NPAT: variants seen among roughly 807,000 people sequenced by gnomAD.
NPAT encodes nuclear protein, coactivator of histone transcription.
A neutral mutation model predicts 130.7 loss-of-function variants in NPAT; 52 were observed. That is an observed-to-expected ratio of 0.40 (90% CI 0.32 to 0.50). The LOEUF (loss-of-function observed/expected upper bound fraction) is 0.50. Among genes scored for constraint, NPAT ranks in the 20% least tolerant of loss-of-function variants. The probability of loss-of-function intolerance (pLI) is 0.68; values close to 1 mark genes in which losing one functional copy is unlikely to be tolerated. For missense variants in NPAT, 1,687 were observed against 1,662.6 expected, an observed-to-expected ratio of 1.01 and a Z score of -0.26; for synonymous variants, 580 against 584.8, an observed-to-expected ratio of 0.99 and a Z score of 0.12.
At chr11:108,211,944 T>C (rs1249634509) in intron 1 of NPAT, among the ~76,000 whole-genome samples, 1 of 152,028 alleles carries the variant, frequency 6.6e-6, no homozygotes, top group Admixed American at 6.6e-5. Context: ...AGTAAGAACC[T>C]GTTTCAAAAG....
chr11:108,218,478 T>C lies in NPAT; in HGVS notation c.37+4022A>G, dbSNP rs555649330. Among the ~76,000 whole-genome samples the C allele has an allele frequency of 6.0e-4, 92 of 152,342 alleles. 1 individual carries two copies. The highest frequency in any genetic ancestry group is 4.5e-3 in the Admixed American group (69 of 15,300). On this transcript the variant is annotated intron_variant, in intron 1 of 17. Coordinates refer to ENST00000278612, the MANE Select transcript of NPAT (RefSeq NM_002519.3). ...TTAGTAATTTAATGTTCGTTAAGCATGCAAATAATTCTTAGGAAGCCGTAC... is the reference window on the plus strand; with the variant it reads ...TTAGTAATTTAATGTTCGTTAAGCACGCAAATAATTCTTAGGAAGCCGTAC...
chr11:108,218,404 C>T (rs962027022), intron 1 of NPAT, among the ~76,000 whole-genome samples: 3 of 152,248 alleles, frequency 2.0e-5, no homozygotes, highest in East Asian at 1.9e-4. Context: ...TAGTAAAGCA[C>T]GCTATGTGAA....
At chr11:108,159,346 T>G (rs192774894) in intron 17 of NPAT, among the ~76,000 whole-genome samples, 1 of 152,208 alleles carries the variant, frequency 6.6e-6, no homozygotes, top group Admixed American at 6.5e-5. Flanking sequence ...TACTAACAGA[T>G]GTTTAGGGTT....
rs781529538 is a variant in NPAT, at chr11:108,160,929, C to G, written c.4157G>C (p.Ser1386Thr). 2 of 1,614,058 alleles carry G rather than the reference C, an allele frequency of 1.2e-6. No homozygotes were observed. Among genetic ancestry groups the G allele is most frequent in the South Asian group, 2.2e-5 (2 of 91,082 alleles). The change falls in exon 17 of 18, where the codon AGT becomes ACT. Residue 1386 changes from serine to threonine, a missense_variant. Physicochemically the swap from Ser to Thr is moderately conservative, Grantham distance 58. Coordinates refer to ENST00000278612, the MANE Select transcript of NPAT (RefSeq NM_002519.3). ...DERERNSRPS[S>T]KNLTNSSIPM... ...TATTGATGAATTTGTAAGATTTTTACTAGAAGGACGAGAGTTTCGCTCACG... is the reference window on the plus strand; with the variant it reads ...TATTGATGAATTTGTAAGATTTTTAGTAGAAGGACGAGAGTTTCGCTCACG...
rs754498169 is a variant in NPAT, at chr11:108,173,117, T to C, written c.1867A>G (p.Ile623Val). ...GAAGACAGCGAATCTCCAAGATGAA[T>C]TTCTACTTGTCCAGATACATTTAAA... Reference protein sequence around the residue: ...SHLNVSGQVEIHLGDSLSSTK... With the variant: ...SHLNVSGQVEVHLGDSLSSTK... Residue 623 changes from isoleucine to valine, a missense_variant, in exon 13 of 18, where the codon ATT (isoleucine) becomes GTT (valine). This residue lies in a region of NPAT where 1,379 missense variants were observed against 1,346.6 expected (regional missense o/e 1.02). Transcript: ENST00000278612. 6.8e-6 allele frequency: 11 copies of C among 1,614,036 alleles called. No homozygotes were observed. In the Admixed American group the frequency reaches 1.8e-4, roughly 27 times the overall value.
intron 1 of NPAT, among the ~76,000 whole-genome samples, chr11:108,208,922 T>C (rs1345644805): frequency 2.6e-5 from 4 of 152,238 alleles, no homozygotes; most frequent in Non-Finnish European, 5.9e-5. Flanking sequence ...TAAGTGTCAA[T>C]AAATTTATGA....
At position 108,197,433 on chromosome 11, in the gene NPAT, TAA is replaced by T. The variant is rs758766620; in HGVS notation, c.38-15_38-14del. The T allele has an allele frequency of 2.0e-6, 3 of 1,525,250 alleles. No individual in the cohort carries two copies. Among genetic ancestry groups the T allele is most frequent in the South Asian group, 1.1e-5 (1 of 89,048 alleles). 94.5% of individuals were successfully genotyped at this position (1,525,250 alleles called of 1,614,324 possible). A position where few individuals can be genotyped will look rare whatever the true frequency, so the allele number is the denominator to read the frequency against. On this transcript the variant is annotated splice_polypyrimidine_tract_variant and intron_variant, in intron 1 of 17. Coordinates refer to ENST00000278612, the MANE Select transcript of NPAT (RefSeq NM_002519.3). ...TGCTGTAAGTAACCTAAATAAAAAA[TAA>T]AAGTTTAGGTACTTATACTAAATTC...
Position 108,172,796 on chromosome 11 carries a change from C to A in NPAT, c.2188G>T (p.Ala730Ser). Residue 730 changes from alanine (A) to serine (S), a missense_variant, in exon 13 of 18, where the codon GCA (alanine) becomes TCA (serine). Physicochemically the swap from Ala to Ser is moderately conservative, Grantham distance 99. This residue lies in a region of NPAT where 1,379 missense variants were observed against 1,346.6 expected (regional missense o/e 1.02). Transcript: ENST00000278612. ...TDDKPSSNNS[A>S]EIDASNIVSL... ...ACGATATTTGATGCATCTATCTCTG[C>A]TGAGTTGTTGCTAGAAGGTTTATCA... 6.2e-7 allele frequency: 1 copy of A among 1,613,702 alleles called. No individual in the cohort carries two copies. The highest frequency in any genetic ancestry group is 8.5e-7 in the Non-Finnish European group (1 of 1,179,938).
chr11:108,217,787 G>A (rs1048799407), intron 1 of NPAT, among the ~76,000 whole-genome samples: 1 of 152,116 alleles, frequency 6.6e-6, no homozygotes, highest in Non-Finnish European at 1.5e-5. Flanking sequence ...GAGGTCAGGA[G>A]TTCCAGAACA....
In NPAT at chr11:108,158,735, G is replaced by C; in HGVS notation, c.*207C>G. ...TGGCTTTACTTACATTTCTGCAAAC[G>C]TTTTTCCCAAAATAAAAATATACCA... On this transcript the variant is annotated 3_prime_UTR_variant, in exon 18 of 18. Transcript: ENST00000278612. The C allele has an allele frequency of 2.0e-6, 1 of 496,160 alleles. No homozygotes were observed. Among genetic ancestry groups the C allele is most frequent in the Non-Finnish European group, 3.6e-6 (1 of 274,946 alleles). 30.7% of individuals were successfully genotyped at this position (496,160 alleles called of 1,614,324 possible).
chr11:108,196,521 AG>A (rs1376432622), intron 2 of NPAT, among the ~76,000 whole-genome samples: 8 of 152,206 alleles, frequency 5.3e-5, no homozygotes, highest in African/African-American at 1.9e-4. Flanking sequence ...TTAAATTGGG[AG>A]GAACTAACAC....
At chr11:108,182,601 G>A (rs2078068207) in intron 10 of NPAT, among the ~76,000 whole-genome samples, 3 of 152,240 alleles carry the variant, frequency 2.0e-5, no homozygotes, top group Admixed American at 6.5e-5. Flanking sequence ...GGGTTCAAGC[G>A]ATTCTCTTGC....
In NPAT at chr11:108,176,900, A is replaced by G. The variant is rs368254408; in HGVS notation, c.1003+94T>C. 1.3e-4 allele frequency: 97 copies of G among 769,698 alleles called. 1 individual carries two copies. The East Asian group carries it at 2.2e-3, about 18-fold the overall frequency. The allele number at this position is 769,698 out of a possible 1,614,324, so 47.7% of individuals were successfully genotyped here. On this transcript the variant is annotated intron_variant, in intron 11 of 17. Coordinates refer to ENST00000278612, the MANE Select transcript of NPAT (RefSeq NM_002519.3). Reference sequence around the variant, plus strand: ...ATGAAATGAAAACAAGAACTTTTTTAGATACTCTGGGGAATGTTGATTCAC... The same window carrying G: ...ATGAAATGAAAACAAGAACTTTTTTGGATACTCTGGGGAATGTTGATTCAC...
At chr11:108,194,512 T>A (rs2078201525) in intron 2 of NPAT, among the ~76,000 whole-genome samples, 1 of 152,248 alleles carries the variant, frequency 6.6e-6, no homozygotes, top group Non-Finnish European at 1.5e-5. Context: ...TCAGAAGGAT[T>A]TATTTAATAT....
intron 13 of NPAT, chr11:108,171,112 T>C (rs1290718676): frequency 1.3e-5 from 2 of 148,190 alleles, no homozygotes; most frequent in Admixed American, 1.4e-4. Flanking sequence ...CAAGAGCCCC[T>C]ATGAAAAAAG....
chr11:108,196,208 T>G (rs925645234), intron 2 of NPAT, among the ~76,000 whole-genome samples: 2 of 152,218 alleles, frequency 1.3e-5, no homozygotes, highest in African/African-American at 4.8e-5. Flanking sequence ...CCAGCAACAT[T>G]TGTTGATAAG....
At chr11:108,191,476 A>G (rs953691193) in intron 4 of NPAT, among the ~76,000 whole-genome samples, 1 of 152,224 alleles carries the variant, frequency 6.6e-6, no homozygotes, top group African/African-American at 2.4e-5. Flanking sequence ...GAGTCAGGAA[A>G]GAGAAATATA....
chr11:108,214,466 T>G (rs1224832562), intron 1 of NPAT, among the ~76,000 whole-genome samples: 1 of 152,134 alleles, frequency 6.6e-6, no homozygotes, highest in Non-Finnish European at 1.5e-5. Context: ...TGGAAGTGAC[T>G]TAATAGTATA....
chr11:108,204,253 C>T (rs772379346), intron 1 of NPAT, among the ~76,000 whole-genome samples: 10 of 152,176 alleles, frequency 6.6e-5, no homozygotes, highest in Non-Finnish European at 1.5e-4. Context: ...ATGCCAGTTC[C>T]GGACAGAGTC....
Sources: allele counts gnomAD v4.1 joint callset (sites outside exome capture counted in the v4.1 genomes callset), GRCh38; gene constraint gnomAD v4.1.1; regional missense constraint gnomAD v4.1.1; transcripts MANE v1.5; gene names NCBI Gene and HGNC (gene_info 2026-07-23, HGNC 2026-07-21).